The following MSS51 variants were observed in gnomAD, a reference collection of about 807,000 sequenced individuals.
MSS51 encodes the protein MSS51 mitochondrial translational activator, also known as putative protein MSS51 homolog, mitochondrial.
MSS51 carries 32 observed loss-of-function variants against 40.2 expected under a neutral mutation model. That is an observed-to-expected ratio of 0.80 (90% CI 0.60 to 1.07). The LOEUF (loss-of-function observed/expected upper bound fraction) is 1.07, where lower values mean the gene tolerates loss of function less well. Ranked by LOEUF, MSS51 falls within the 50% of genes least tolerant of loss-of-function variation. MSS51 has a pLI of 0.00. For synonymous variants in MSS51, 178 were observed against 214.2 expected (o/e 0.83, Z 1.48); for missense variants, 518 against 568.9 (o/e 0.91, Z 0.91).
chr10:73,431,786 C>T (rs2056030858), intron 1 of MSS51, among the ~76,000 whole-genome samples: 2 of 152,068 alleles, frequency 1.3e-5, no homozygotes, highest in South Asian at 2.1e-4. Flanking sequence ...ATACCATATC[C>T]TATATATTAC....
intron 1 of MSS51, among the ~76,000 whole-genome samples, chr10:73,433,042 T>C (rs908516584): frequency 1.3e-5 from 2 of 152,176 alleles, no homozygotes; most frequent in African/African-American, 4.8e-5. Context: ...ACTTAGGCTC[T>C]AATTTAGTCC....
chr10:73,425,669 A>G (rs575217362), intron 5 of MSS51, 142 bp downstream of exon 5: 10 of 804,988 alleles, frequency 1.2e-5, no homozygotes, highest in African/African-American at 1.1e-4. Context: ...CTCAAAAAAA[A>G]AAAAAGAAAA....
intron 1 of MSS51, 122 bp downstream of exon 1, chr10:73,433,391 G>A (rs2056043545): frequency 6.6e-6 from 1 of 152,102 alleles, no homozygotes; most frequent in Non-Finnish European, 1.5e-5. Flanking sequence ...AATACATTAA[G>A]GACACTGTAA....
At chr10:73,425,693 A>T in intron 5 of MSS51, 118 bp downstream of exon 5, 2 of 864,156 alleles carry the variant, frequency 2.3e-6, no homozygotes, top group African/African-American at 1.7e-5. Flanking sequence ...AAAAAAGAAA[A>T]GTTGTCATCA....
chr10:73,432,928 G>A (rs1329330404), intron 1 of MSS51, among the ~76,000 whole-genome samples: 1 of 152,172 alleles, frequency 6.6e-6, no homozygotes, highest in Non-Finnish European at 1.5e-5. Flanking sequence ...ACTCACAGGA[G>A]AAGCTGGAAA....
intron 1 of MSS51, among the ~76,000 whole-genome samples, chr10:73,431,742 A>G (rs1158737161): frequency 6.6e-6 from 1 of 152,180 alleles, no homozygotes. Flanking sequence ...GGATGGTTTC[A>G]GTCCACAGAA....
chr10:73,432,288 C>T (rs1589676050), intron 1 of MSS51, among the ~76,000 whole-genome samples: 1 of 152,246 alleles, frequency 6.6e-6, no homozygotes, highest in South Asian at 2.1e-4. Context: ...CCACCCACCT[C>T]GACCTCCCAA....
At position 73,426,744 on chromosome 10, in the gene MSS51, G is replaced by A; in HGVS notation, c.378-13C>T. On this transcript the variant is annotated splice_polypyrimidine_tract_variant and intron_variant, in intron 3 of 6. Coordinates refer to ENST00000299432, the MANE Select transcript of MSS51 (RefSeq NM_001024593.2). ...GACATTTCTGCACCTGAGAGAATGA[G>A]AGAGAAATAGTTCTTATACTATAAA... 1 of 1,613,662 alleles carries A rather than the reference G, an allele frequency of 6.2e-7. No individual in the cohort carries two copies. The highest frequency in any genetic ancestry group is 8.5e-7 in the Non-Finnish European group (1 of 1,179,806).
chr10:73,423,734 T>C lies in MSS51; in HGVS notation c.*819A>G, dbSNP rs140335186. Reference sequence around the variant, plus strand: ...AGTCCCCAAGAGAAAACAGGAAAAGTAGACATTTCTCTCAAAAAAGTCAGG... The same window carrying C: ...AGTCCCCAAGAGAAAACAGGAAAAGCAGACATTTCTCTCAAAAAAGTCAGG... On this transcript the variant is annotated 3_prime_UTR_variant, in exon 7 of 7. Transcript: ENST00000299432. The C allele has an allele frequency of 6.6e-6, 1 of 152,280 alleles. No individual in the cohort carries two copies. The highest frequency in any genetic ancestry group is 1.9e-4 in the East Asian group (1 of 5,186). The allele number at this position is 152,280 out of a possible 1,614,324, so 9.4% of individuals were successfully genotyped here.
At position 73,424,656 on chromosome 10, in the gene MSS51, T is replaced by C. The variant is rs568622678; in HGVS notation, c.1280A>G (p.Asn427Ser). 9 of 1,614,126 alleles carry C rather than the reference T, an allele frequency of 5.6e-6. No individual in the cohort carries two copies. Among genetic ancestry groups the C allele is most frequent in the African/African-American group, 1.3e-5 (1 of 75,010 alleles). ...LKPEQVYSSP[N>S]KQPVYCSAYY... Reference sequence around the variant, plus strand: ...TGCACTGCAGTATACTGGCTGCTTGTTGGGACTGGAATAGACCTGTTCAGG... The same window carrying C: ...TGCACTGCAGTATACTGGCTGCTTGCTGGGACTGGAATAGACCTGTTCAGG... Residue 427 changes from asparagine to serine, a missense_variant, in exon 7 of 7, where the codon AAC becomes AGC. Physicochemically the swap from Asn to Ser is conservative, Grantham distance 46. Coordinates refer to ENST00000299432, the MANE Select transcript of MSS51 (RefSeq NM_001024593.2).
chr10:73,426,602 T>TC lies in MSS51; in HGVS notation c.502+4dup, dbSNP rs773779961. The TC allele has an allele frequency of 5.0e-6, 8 of 1,614,006 alleles. No homozygotes were observed. The South Asian group carries it at 5.5e-5, about 11-fold the overall frequency. On this transcript the variant is annotated splice_donor_region_variant and intron_variant, in intron 4 of 6. Coordinates refer to ENST00000299432, the MANE Select transcript of MSS51 (RefSeq NM_001024593.2). ...TGGCAGAGATCCTCAACACCACCAC[T>TC]CCACCTGTGACCAGAAGCCATTCCA...
intron 1 of MSS51, among the ~76,000 whole-genome samples, chr10:73,432,269 C>A (rs977006618): frequency 1.4e-4 from 21 of 152,118 alleles, no homozygotes; most frequent in African/African-American, 5.1e-4. Context: ...GAACTCCTGA[C>A]CTCGTGATCC....
Position 73,426,057 on chromosome 10 carries a change from T to C in MSS51, c.823A>G (p.Thr275Ala). The C allele has an allele frequency of 6.2e-7, 1 of 1,614,168 alleles. No homozygotes were observed. The part of the protein sequence containing the change: ...VHVVGASHVE[T>A]FLTRPGDYDE... ...TAGTCCCCTGGGCGAGTAAGAAATG[T>C]CTCCACATGGGAAGCACCAACCACA... Residue 275 changes from threonine to alanine, a missense_variant, in exon 5 of 7, where the codon ACA becomes GCA. Physicochemically the swap from Thr to Ala is moderately conservative, Grantham distance 58 (BLOSUM62 0). Coordinates refer to ENST00000299432, the MANE Select transcript of MSS51 (RefSeq NM_001024593.2).
chr10:73,425,661 CAAAAAAAAAAAAAGA>C, intron 5 of MSS51, 135 bp downstream of exon 5: 1 of 411,152 alleles, frequency 2.4e-6, no homozygotes, highest in Non-Finnish European at 3.6e-6. Flanking sequence ...GACTCCGTCT[CAAAAAAAAAAAAAGA>C]AAAAAAAAAA....
intron 3 of MSS51, 22 bp from the exon 4 acceptor site, chr10:73,426,753 AG>A (rs769462581): frequency 1.2e-4 from 192 of 1,613,204 alleles, no homozygotes; most frequent in Non-Finnish European, 1.4e-4. Context: ...AGAGAGAAAT[AG>A]TTCTTATACT....
At chr10:73,426,775 T>C (rs1370016972) in intron 3 of MSS51, 44 bp from the exon 4 acceptor site, 7 of 1,602,890 alleles carry the variant, frequency 4.4e-6, no homozygotes, top group Non-Finnish European at 5.1e-6. Flanking sequence ...ATAAATATGA[T>C]TGGGGTTATC....
At chr10:73,425,304 T>TATCATC (rs1211290955) in intron 5 of MSS51, 113 bp from the exon 6 acceptor site, 5 of 640,342 alleles carry the variant, frequency 7.8e-6, no homozygotes, top group East Asian at 2.8e-5. Flanking sequence ...CCCCAGTCAT[T>TATCATC]ATCATCATCA....
intron 1 of MSS51, among the ~76,000 whole-genome samples, chr10:73,432,361 A>G (rs2056035217): frequency 6.6e-6 from 1 of 152,086 alleles, no homozygotes; most frequent in Non-Finnish European, 1.5e-5. Flanking sequence ...TTAAACCTTG[A>G]AAGAATGACT....
chr10:73,425,850 G>A lies in MSS51; in HGVS notation c.1030C>T (p.Gln344Ter). The change falls in exon 5 of 7, where the codon CAG becomes TAG. Residue 344 changes from glutamine to a stop codon, truncating the protein, a stop_gained. Coordinates refer to ENST00000299432, the MANE Select transcript of MSS51 (RefSeq NM_001024593.2). LOFTEE classifies it high-confidence loss of function. ...DFWEEQVETG[Q>*]THHPDLVAAF... ...GCCACCAAATCTGGATGGTGTGTCTGCCCGGTCTCTACTTGCTCCTCCCAG... is the reference window on the plus strand; with the variant it reads ...GCCACCAAATCTGGATGGTGTGTCTACCCGGTCTCTACTTGCTCCTCCCAG... The A allele has an allele frequency of 6.2e-7, 1 of 1,614,024 alleles. No homozygotes were observed. Among genetic ancestry groups the A allele is most frequent in the Non-Finnish European group, 8.5e-7 (1 of 1,179,988 alleles).
Sources: allele counts gnomAD v4.1 joint callset (sites outside exome capture counted in the v4.1 genomes callset), GRCh38; gene constraint gnomAD v4.1.1; transcripts MANE v1.5; gene names NCBI Gene and HGNC (gene_info 2026-07-23, HGNC 2026-07-21).